XRN2: variants seen among roughly 807,000 people sequenced by gnomAD.
The protein encoded by XRN2 is 5'-3' exoribonuclease 2.
A neutral mutation model predicts 138.5 loss-of-function variants in XRN2; 44 were observed. That is an observed-to-expected ratio of 0.32 (90% confidence interval 0.25 to 0.41). The LOEUF (loss-of-function observed/expected upper bound fraction) is 0.41. Among genes scored for constraint, XRN2 ranks in the 10% least tolerant of loss-of-function variants. The probability of loss-of-function intolerance (pLI) is 1.00; values close to 1 mark genes in which losing one functional copy is unlikely to be tolerated. For missense variants in XRN2, 937 were observed against 1,169.3 expected (o/e 0.80, Z 2.90); for synonymous variants, 354 against 369.4 (o/e 0.96, Z 0.48).
chr20:21,344,863 G>A (rs999881306), intron 16 of XRN2, among the ~76,000 whole-genome samples: 3 of 152,016 alleles, frequency 2.0e-5, no homozygotes, highest in Non-Finnish European at 4.4e-5. Context: ...GATTTGAACC[G>A]TGGGCTCCAA....
chr20:21,331,536 G>C, intron 6 of XRN2, 25 bp from the exon 7 acceptor site: 1 of 1,586,858 alleles, frequency 6.3e-7, no homozygotes, highest in Non-Finnish European at 8.6e-7. Flanking sequence ...GGGATAATCT[G>C]AAAGTGTTAA....
chr20:21,379,320 C>T (rs1217017171), intron 27 of XRN2, among the ~76,000 whole-genome samples: 1 of 152,134 alleles, frequency 6.6e-6, no homozygotes, highest in African/African-American at 2.4e-5. Flanking sequence ...GTTTGTTTTA[C>T]CATCTACTTC....
At chr20:21,366,160 AG>A in intron 26 of XRN2, among the ~76,000 whole-genome samples, 1 of 25,658 alleles carries the variant, frequency 3.9e-5, no homozygotes. Flanking sequence ...ATATATTTAT[AG>A]TTTATATAAT....
intron 1 of XRN2, 100 bp downstream of exon 1, chr20:21,303,573 C>T (rs1158181511): frequency 2.1e-6 from 3 of 1,400,214 alleles, no homozygotes; most frequent in Admixed American, 3.7e-5. Flanking sequence ...GGAGCCTTGC[C>T]GGAGCTCGCG....
At chr20:21,356,430 T>G (rs185832779) in intron 22 of XRN2, among the ~76,000 whole-genome samples, 156 bp from the exon 23 acceptor site, 42 of 151,984 alleles carry the variant, frequency 2.8e-4, no homozygotes, top group Middle Eastern at 3.4e-3. Flanking sequence ...TAATACTCTA[T>G]GTGTACTTTT....
At chr20:21,317,286 T>TAGAA (rs2037972648) in intron 1 of XRN2, among the ~76,000 whole-genome samples, 1 of 129,436 alleles carries the variant, frequency 7.7e-6, no homozygotes, top group South Asian at 3.0e-4. Flanking sequence ...ATTTCCCTTC[T>TAGAA]ATTTCTAGAT....
At chr20:21,374,331 A>G (rs1397314761) in intron 27 of XRN2, among the ~76,000 whole-genome samples, 6 of 151,726 alleles carry the variant, frequency 4.0e-5, no homozygotes, top group Non-Finnish European at 8.8e-5. Flanking sequence ...GTTTTGCTTT[A>G]TTGCACAAGC....
intron 28 of XRN2, among the ~76,000 whole-genome samples, 167 bp from the exon 29 acceptor site, chr20:21,386,691 CATGTTAGATT>C (rs1259147249): frequency 1.3e-5 from 2 of 152,148 alleles, no homozygotes; most frequent in Non-Finnish European, 2.9e-5. Flanking sequence ...CTTCATGAAA[CATGTTAGATT>C]ATACTGGATA....
chr20:21,368,974 C>A lies in XRN2; in HGVS notation c.2584+384C>A, dbSNP rs142028638. Among the ~76,000 whole-genome samples the A allele has an allele frequency of 3.8e-3, 581 of 152,218 alleles. 6 individuals carry two copies. The highest frequency in any genetic ancestry group is 0.014 in the African/African-American group (561 of 41,524). On this transcript the variant is annotated intron_variant, in intron 27 of 29. Transcript: ENST00000377191. ...AATTAAATTATTGACTATGGTCATC[C>A]TGCTGTGCTATCAAATACTAGATCT...
chr20:21,311,619 A>G (rs1316260245), intron 1 of XRN2, among the ~76,000 whole-genome samples: 1 of 152,190 alleles, frequency 6.6e-6, no homozygotes, highest in East Asian at 1.9e-4. Flanking sequence ...TTCTGTGTTT[A>G]GCATTTTGAG....
At chr20:21,325,742 A>G (rs2038118018) in intron 1 of XRN2, among the ~76,000 whole-genome samples, 2 of 152,190 alleles carry the variant, frequency 1.3e-5, no homozygotes, top group Admixed American at 1.3e-4. Context: ...AATCATTAGA[A>G]AAATTAGGTA....
At chr20:21,320,671 T>G in intron 1 of XRN2, among the ~76,000 whole-genome samples, 1 of 152,058 alleles carries the variant, frequency 6.6e-6, no homozygotes, top group East Asian at 1.9e-4. Flanking sequence ...CTTGGCTCAC[T>G]GTAACCTCCA....
Position 21,303,379 on chromosome 20 carries a change from G to A in XRN2, c.-20G>A. On this transcript the variant is annotated 5_prime_UTR_variant, in exon 1 of 30. Transcript: ENST00000377191. The stretch of plus-strand genomic sequence containing the variant: ...TACGCTCGTCAGCCGGTCGGCCGCC[G>A]CCTCCAGCCGTGTGCCGCTATGGGA... The A allele has an allele frequency of 1.9e-6, 3 of 1,542,590 alleles. No individual in the cohort carries two copies. The highest frequency in any genetic ancestry group is 2.6e-6 in the Non-Finnish European group (3 of 1,144,212).
At chr20:21,335,561 T>C (rs1600689090) in intron 13 of XRN2, among the ~76,000 whole-genome samples, 2 of 152,364 alleles carry the variant, frequency 1.3e-5, no homozygotes, top group Admixed American at 1.3e-4. Context: ...TACTTGGTAA[T>C]GTTTTTATGT....
At chr20:21,348,605 GTTTGT>G (rs970243111) in intron 19 of XRN2, among the ~76,000 whole-genome samples, 175 bp downstream of exon 19, 96 of 152,202 alleles carry the variant, frequency 6.3e-4, no homozygotes, top group Admixed American at 1.7e-3. Flanking sequence ...CAGTAAATCA[GTTTGT>G]TTTGGGGAGA....
chr20:21,376,374 T>G (rs932843539), intron 27 of XRN2, among the ~76,000 whole-genome samples: 8 of 152,086 alleles, frequency 5.3e-5, no homozygotes, highest in Admixed American at 5.2e-4. Context: ...ATAAATAAAG[T>G]TCTTGCTAAT....
rs778993983 is a variant in XRN2 at position 21,386,983 on chromosome 20, C to A, written c.2764C>A (p.Arg922=). 6.2e-7 allele frequency: 1 copy of A among 1,611,188 alleles called. No individual in the cohort carries two copies. The highest frequency in any genetic ancestry group is 8.5e-7 in the Non-Finnish European group (1 of 1,177,558). Residue 922 remains arginine (R), a synonymous_variant, in exon 29 of 30, where the codon CGA becomes AGA. Coordinates refer to ENST00000377191, the MANE Select transcript of XRN2 (RefSeq NM_012255.5). ...TGGGCCTGGTGGGTATCCACCCAGA[C>A]GAGATGATCGTGGAGGGAGACAGGT... ...LAGPGGYPPR[R]DDRGGRQGYP...
chr20:21,367,319 T>G (rs1281715725), intron 26 of XRN2, among the ~76,000 whole-genome samples: 1 of 152,198 alleles, frequency 6.6e-6, no homozygotes, highest in Non-Finnish European at 1.5e-5. Context: ...ATAATGTTAA[T>G]GAGTTAGGAT....
chr20:21,349,094 C>T (rs997554018), intron 19 of XRN2, among the ~76,000 whole-genome samples: 7 of 152,126 alleles, frequency 4.6e-5, no homozygotes, highest in Non-Finnish European at 7.4e-5. Flanking sequence ...GAGACCCAGC[C>T]GGGAAGTAGG....
Sources: gnomAD v4.1 joint callset for allele counts (sites outside exome capture counted in the v4.1 genomes callset) on GRCh38, gnomAD v4.1.1 for gene constraint, MANE v1.5 for transcripts, NCBI Gene and HGNC (gene_info 2026-07-23, HGNC 2026-07-21) for gene names.